RBM39: variants seen among roughly 807,000 people sequenced by gnomAD.
RBM39 encodes RNA-binding protein 39.
RBM39 carries 12 observed loss-of-function variants against 79.6 expected under a neutral mutation model. That is an observed-to-expected ratio of 0.15 (90% CI 0.10 to 0.24). The LOEUF (loss-of-function observed/expected upper bound fraction) is 0.24, where lower values mean the gene tolerates loss of function less well. Ranked by LOEUF, RBM39 falls within the 10% of genes least tolerant of loss-of-function variation. The probability of loss-of-function intolerance (pLI) is 1.00; values close to 1 mark genes in which losing one functional copy is unlikely to be tolerated. For missense variants in RBM39, 243 were observed against 653.4 expected (o/e 0.37, Z 6.85); for synonymous variants, 185 against 208.4 (o/e 0.89, Z 0.97).
In RBM39 at chr20:35,703,022, A is replaced by G. The variant is rs2146457549; in HGVS notation, c.*1459T>C. On this transcript the variant is annotated 3_prime_UTR_variant, in exon 17 of 17. Transcript: ENST00000253363. ...GATATGAAATTCTGAATAAGCCTGTAAAACTTGTGCTTCAATGCTAACAAA... is the reference window on the plus strand; with the variant it reads ...GATATGAAATTCTGAATAAGCCTGTGAAACTTGTGCTTCAATGCTAACAAA... The G allele has an allele frequency of 6.6e-6, 1 of 152,292 alleles. No homozygotes were observed. The highest frequency in any genetic ancestry group is 2.1e-4 in the South Asian group (1 of 4,824). 9.4% of individuals were successfully genotyped at this position (152,292 alleles called of 1,614,324 possible).
chr20:35,733,023 G>T (rs2039534040), intron 3 of RBM39, among the ~76,000 whole-genome samples: 1 of 152,114 alleles, frequency 6.6e-6, no homozygotes, highest in Admixed American at 6.5e-5. Context: ...ACTAATGCAG[G>T]CCAGTGCAGT....
chr20:35,741,169 G>C (rs1008021754), intron 1 of RBM39, among the ~76,000 whole-genome samples: 1 of 149,878 alleles, frequency 6.7e-6, no homozygotes, highest in Non-Finnish European at 1.5e-5. Flanking sequence ...GAATAGCTGG[G>C]ATCACAGGCG....
intron 4 of RBM39, 88 bp from the exon 5 acceptor site, chr20:35,729,615 GTTTAGGCTACTGC>G (rs1490754139): frequency 8.5e-7 from 1 of 1,181,834 alleles, no homozygotes; most frequent in African/African-American, 1.5e-5. Flanking sequence ...GACTAACATT[GTTTAGGCTACTGC>G]TTTTCCACCT....
At chr20:35,737,152 G>A (rs1375498881) in intron 3 of RBM39, among the ~76,000 whole-genome samples, 3 of 151,738 alleles carry the variant, frequency 2.0e-5, no homozygotes, top group Admixed American at 6.6e-5. Flanking sequence ...AGCACTTTGG[G>A]AGGCCAAGGC....
chr20:35,709,001 C>CA (rs73622029), intron 13 of RBM39: 10,225 of 355,236 alleles, frequency 0.029, 4 homozygotes, highest in Middle Eastern at 0.04. Context: ...CAAACTAAAG[C>CA]AAAAAAAAAA....
chr20:35,711,203 C>T (rs2036364270), intron 12 of RBM39, among the ~76,000 whole-genome samples: 1 of 152,090 alleles, frequency 6.6e-6, no homozygotes. Flanking sequence ...TCTTTCACCA[C>T]CCTTTAGTGG....
intron 11 of RBM39, chr20:35,713,925 A>G (rs936998519): frequency 1.7e-5 from 6 of 344,578 alleles, no homozygotes; most frequent in Admixed American, 4.5e-5. Flanking sequence ...AACTAAATTT[A>G]TTCCTAAGTA....
chr20:35,733,605 TCCAAAAAAAAA>T (rs2039608841), intron 3 of RBM39, among the ~76,000 whole-genome samples: 1 of 136,748 alleles, frequency 7.3e-6, no homozygotes, highest in Non-Finnish European at 1.6e-5. Context: ...CAAGACTGTC[TCCAAAAAAAAA>T]GAAAAAGAAA....
At chr20:35,719,504 C>T (rs1396529337) in intron 9 of RBM39, among the ~76,000 whole-genome samples, 2 of 151,960 alleles carry the variant, frequency 1.3e-5, no homozygotes, top group Non-Finnish European at 2.9e-5. Flanking sequence ...GAGTTCGAGA[C>T]CAACCTGACC....
chr20:35,733,939 G>A (rs1180741563), intron 3 of RBM39, among the ~76,000 whole-genome samples: 1 of 152,104 alleles, frequency 6.6e-6, no homozygotes, highest in Non-Finnish European at 1.5e-5. Context: ...AATTTTAGAG[G>A]TGCCTTCAGA....
intron 3 of RBM39, chr20:35,734,827 G>A (rs879136542): frequency 2.9e-6 from 4 of 1,396,950 alleles, no homozygotes; most frequent in South Asian, 1.8e-5. Flanking sequence ...CAGCTTCAAA[G>A]AGCATTTATT....
intron 9 of RBM39, among the ~76,000 whole-genome samples, chr20:35,718,507 C>T (rs1324203741): frequency 6.6e-6 from 1 of 151,796 alleles, no homozygotes; most frequent in African/African-American, 2.4e-5. Context: ...GAAACCCTGT[C>T]TCTACTAAAA....
intron 2 of RBM39, chr20:35,739,338 C>A (rs1445405042): frequency 6.6e-6 from 3 of 455,548 alleles, no homozygotes; most frequent in Non-Finnish European, 1.3e-5. Context: ...TTCCATAAAA[C>A]ATGAAGTCCT....
chr20:35,719,198 A>G (rs1390304344), intron 9 of RBM39, among the ~76,000 whole-genome samples: 1 of 151,986 alleles, frequency 6.6e-6, no homozygotes, highest in African/African-American at 2.4e-5. Flanking sequence ...AGACCGGCTA[A>G]TTTTTATATT....
At chr20:35,708,955 T>C (rs1568990475) in intron 13 of RBM39, 2 of 337,120 alleles carry the variant, frequency 5.9e-6, no homozygotes, top group African/African-American at 4.3e-5. Context: ...AACACACAGG[T>C]AGGCATAAAA....
intron 9 of RBM39, among the ~76,000 whole-genome samples, chr20:35,721,474 C>G (rs1314205975): frequency 6.6e-6 from 1 of 152,202 alleles, no homozygotes; most frequent in African/African-American, 2.4e-5. Context: ...CAGGCATGAG[C>G]CACCATGCCC....
chr20:35,725,556 C>A lies in RBM39; in HGVS notation c.417-401G>T, dbSNP rs572936437. 1.5e-3 allele frequency among the ~76,000 whole-genome samples: 230 copies of A among 152,170 alleles called. 1 individual carries two copies. The highest frequency in any genetic ancestry group is 5.4e-3 in the African/African-American group (224 of 41,526). On this transcript the variant is annotated intron_variant, in intron 6 of 16. Coordinates refer to ENST00000253363, the MANE Select transcript of RBM39 (RefSeq NM_184234.3). ...TTGGCCTCCCAAAGTGGTGGGATAA[C>A]AGGTGTGAGCCACTACGCCTGGCCT...
chr20:35,708,350 T>G (rs1008677375), intron 13 of RBM39, among the ~76,000 whole-genome samples: 6 of 152,152 alleles, frequency 3.9e-5, no homozygotes, highest in African/African-American at 1.4e-4. Flanking sequence ...GAGGAAGACT[T>G]GATTCTTCCA....
chr20:35,719,030 T>C (rs139720863), intron 9 of RBM39, among the ~76,000 whole-genome samples: 6 of 152,212 alleles, frequency 3.9e-5, no homozygotes, highest in Non-Finnish European at 5.9e-5. Context: ...TACATTATGT[T>C]TACTGGAGTT....
Sources: allele counts gnomAD v4.1 joint callset (sites outside exome capture counted in the v4.1 genomes callset), GRCh38; gene constraint gnomAD v4.1.1; transcripts MANE v1.5; gene names NCBI Gene and HGNC (gene_info 2026-07-23, HGNC 2026-07-21).